GPR107: variants seen among roughly 807,000 people sequenced by gnomAD.
GPR107 encodes protein GPR107.
A neutral mutation model predicts 75.5 loss-of-function variants in GPR107; 31 were observed. The observed-to-expected ratio is 0.41, with a 90% CI of 0.31 to 0.55. GPR107 has a LOEUF of 0.55. Among genes scored for constraint, GPR107 ranks in the 20% least tolerant of loss-of-function variants. The pLI, the probability that GPR107 is intolerant of heterozygous loss-of-function variation, is 0.26. For missense variants in GPR107, 572 were observed against 665.7 expected (o/e 0.86, Z 1.55); for synonymous variants, 267 against 251.3 (o/e 1.06, Z -0.59).
intron 9 of GPR107, among the ~76,000 whole-genome samples, chr9:130,093,381 A>G (rs1188017741): frequency 1.3e-5 from 2 of 152,212 alleles, no homozygotes; most frequent in East Asian, 3.8e-4. Flanking sequence ...TGAGTAAATG[A>G]TAGTATGCGA....
At chr9:130,134,965 G>T in intron 17 of GPR107, 60 bp from the exon 18 acceptor site, 1 of 926,074 alleles carries the variant, frequency 1.1e-6, no homozygotes, top group South Asian at 1.4e-5. Context: ...CTGTGGCAGA[G>T]ATGGCCTTTT....
intron 7 of GPR107, among the ~76,000 whole-genome samples, chr9:130,087,860 A>T (rs1238949158): frequency 6.6e-6 from 1 of 150,636 alleles, no homozygotes; most frequent in African/African-American, 2.4e-5. Flanking sequence ...TGTCTTAAGT[A>T]TACGGTTTGT....
rs1398675497 is a variant in GPR107 at position 130,139,009 on chromosome 9, C to G, written c.*3888C>G. 6.6e-6 allele frequency: 1 copy of G among 152,284 alleles called. No homozygotes were observed. The highest frequency in any genetic ancestry group is 1.5e-5 in the Non-Finnish European group (1 of 68,110). 9.4% of individuals were successfully genotyped at this position (152,284 alleles called of 1,614,324 possible). A position where few individuals can be genotyped will look rare whatever the true frequency, so the allele number is the denominator to read the frequency against. On this transcript the variant is annotated 3_prime_UTR_variant, in exon 18 of 18. Transcript: ENST00000347136. Reference sequence around the variant, plus strand: ...TGGAACAACTCATGCTTCATGCTGCCAAGCTGCTGTACTTCAAAGGAAACA... The same window carrying G: ...TGGAACAACTCATGCTTCATGCTGCGAAGCTGCTGTACTTCAAAGGAAACA...
chr9:130,085,707 C>T (rs1210805634), intron 6 of GPR107, among the ~76,000 whole-genome samples: 1 of 138,396 alleles, frequency 7.2e-6, no homozygotes, highest in Non-Finnish European at 1.5e-5. Context: ...TTGCATGTAT[C>T]ATTTCTTTTC....
At chr9:130,095,624 A>C (rs1227649221) in intron 9 of GPR107, among the ~76,000 whole-genome samples, 1 of 151,914 alleles carries the variant, frequency 6.6e-6, no homozygotes, top group East Asian at 1.9e-4. Context: ...TGATCTCTTT[A>C]CTTCGTGATC....
At position 130,135,023 on chromosome 9, in the gene GPR107, A is replaced by T. The variant is rs1554899712; in HGVS notation, c.1563-2A>T. 6.4e-7 allele frequency: 1 copy of T among 1,560,138 alleles called. No individual in the cohort carries two copies. Among genetic ancestry groups the T allele is most frequent in the Non-Finnish European group, 8.8e-7 (1 of 1,131,778 alleles). Reference sequence around the variant, plus strand: ...CTAATTGTTTTTTCTTTCCTTGTTCAGTGTGACAACATCTGGGGTGATGGA... The same window carrying T: ...CTAATTGTTTTTTCTTTCCTTGTTCTGTGTGACAACATCTGGGGTGATGGA... On this transcript the variant is annotated splice_acceptor_variant, in intron 17 of 17. Coordinates refer to ENST00000347136, the MANE Select transcript of GPR107 (RefSeq NM_020960.5). LOFTEE classifies it high-confidence loss of function.
intron 1 of GPR107, among the ~76,000 whole-genome samples, chr9:130,057,126 TGATCAGATTA>T (rs1471001765): frequency 6.6e-6 from 1 of 151,728 alleles, no homozygotes; most frequent in Non-Finnish European, 1.5e-5. Context: ...ATAGGGTACT[TGATCAGATTA>T]GAGACCCATA....
At position 130,092,296 on chromosome 9, in the gene GPR107, A is replaced by G; in HGVS notation, c.778A>G (p.Ile260Val). 1 of 1,600,904 alleles carries G rather than the reference A, an allele frequency of 6.2e-7. No individual in the cohort carries two copies. Among genetic ancestry groups the G allele is most frequent in the East Asian group, 2.2e-5 (1 of 44,816 alleles). Residue 260 changes from isoleucine (I) to valine (V), a missense_variant, in exon 9 of 18, where the codon ATT (isoleucine) becomes GTT (valine). Transcript: ENST00000347136. ...TGACAGCTACCTCTCAGCAGGAGAA[A>G]TTCCTCTCCCCAAATTATACATCTC... ...NPDSYLSAGE[I>V]PLPKLYISMA... is the part of the protein sequence containing the mutation.
intron 1 of GPR107, among the ~76,000 whole-genome samples, 168 bp downstream of exon 1, chr9:130,054,241 C>T (rs1829671036): frequency 6.6e-6 from 1 of 152,142 alleles, no homozygotes; most frequent in Non-Finnish European, 1.5e-5. Flanking sequence ...CGGGTCTGGG[C>T]GGCGCTGGGG....
At chr9:130,075,291 C>T (rs1256370549) in intron 1 of GPR107, among the ~76,000 whole-genome samples, 1 of 131,190 alleles carries the variant, frequency 7.6e-6, no homozygotes, top group Non-Finnish European at 1.5e-5. Context: ...GTCACCCAAG[C>T]TAGAGTGCAG....
At chr9:130,133,655 C>T (rs556102362) in intron 17 of GPR107, among the ~76,000 whole-genome samples, 6 of 152,298 alleles carry the variant, frequency 3.9e-5, no homozygotes, top group Non-Finnish European at 8.8e-5. Context: ...GCCAGCTGGC[C>T]AGAAGTGACG....
Position 130,103,339 on chromosome 9 carries a change from G to A in GPR107, c.1132-1081G>A, listed in dbSNP as rs956738124. Among the ~76,000 whole-genome samples, 1 of 152,160 alleles carries A rather than the reference G, an allele frequency of 6.6e-6. No homozygotes were observed. The highest frequency in any genetic ancestry group is 1.5e-5 in the Non-Finnish European group (1 of 68,030). On this transcript the variant is annotated intron_variant, in intron 12 of 17. Coordinates refer to ENST00000347136, the MANE Select transcript of GPR107 (RefSeq NM_020960.5). The surrounding 1 kb of genome is among the most constrained non-coding windows in gnomAD (Gnocchi z 4.3). ...ACAGATTTTACATGCAAAGTGTGGA[G>A]GATTACCTTTTACAGCAAGTCAGGC...
At chr9:130,115,053 C>T (rs1386690116) in intron 14 of GPR107, among the ~76,000 whole-genome samples, 1 of 152,214 alleles carries the variant, frequency 6.6e-6, no homozygotes, top group East Asian at 1.9e-4. Context: ...GAAATAATCA[C>T]TGAGTGCATC....
In GPR107 at chr9:130,077,863, C is replaced by T. The variant is rs1830392445; in HGVS notation, c.386+485C>T. ...TTGTTGGTGAGGATTTCTGACAATT[C>T]AGCCTCTTTGAAAATGTTGAGGCCG... On this transcript the variant is annotated intron_variant, in intron 4 of 17. Coordinates refer to ENST00000347136, the MANE Select transcript of GPR107 (RefSeq NM_020960.5). 2.0e-5 allele frequency among the ~76,000 whole-genome samples: 3 copies of T among 152,060 alleles called. 1 individual carries two copies. The South Asian group carries it at 6.2e-4, about 32-fold the overall frequency.
intron 3 of GPR107, among the ~76,000 whole-genome samples, chr9:130,077,092 T>C (rs1159947656): frequency 2.6e-5 from 4 of 151,744 alleles, no homozygotes; most frequent in Non-Finnish European, 5.9e-5. Flanking sequence ...TTCACCATGT[T>C]GGCCAGGATG....
chr9:130,092,833 A>G (rs546558379), intron 9 of GPR107, among the ~76,000 whole-genome samples: 4 of 152,056 alleles, frequency 2.6e-5, no homozygotes, highest in Admixed American at 2.6e-4. Context: ...GTTAGCCAGG[A>G]TGGTCTTGAT....
chr9:130,118,873 G>T (rs963144806), intron 14 of GPR107, among the ~76,000 whole-genome samples: 1 of 152,196 alleles, frequency 6.6e-6, no homozygotes, highest in Non-Finnish European at 1.5e-5. Flanking sequence ...AGCAGGCCAA[G>T]GGCAGGCACA....
In GPR107 at chr9:130,090,888, A is replaced by G. The variant is rs543079941; in HGVS notation, c.634A>G (p.Ile212Val). ...GAVSFQFFFN[I>V]STDDQEGLYS... ...TCTTCACTTTCAGTTTTTCTTTAACATCAGCACTGATGACCAAGAAGGCCT... is the reference window on the plus strand; with the variant it reads ...TCTTCACTTTCAGTTTTTCTTTAACGTCAGCACTGATGACCAAGAAGGCCT... The change falls in exon 8 of 18, where the codon ATC (isoleucine) becomes GTC (valine). Residue 212 changes from isoleucine to valine, a missense_variant. By Grantham distance (29) the Ile-to-Val change is conservative. Transcript: ENST00000347136. The G allele has an allele frequency of 2.8e-5, 38 of 1,368,554 alleles. No homozygotes were observed. Among genetic ancestry groups the G allele is most frequent in the Non-Finnish European group, 7.3e-6 (7 of 958,740 alleles). 84.8% of individuals were successfully genotyped at this position (1,368,554 alleles called of 1,614,324 possible).
intron 17 of GPR107, chr9:130,132,879 C>T (rs1831862759): frequency 6.6e-6 from 1 of 151,902 alleles, no homozygotes; most frequent in South Asian, 2.1e-4. Flanking sequence ...ACTTAGCACT[C>T]CCTCACTGCC....
Sources: gnomAD v4.1 joint callset for allele counts (sites outside exome capture counted in the v4.1 genomes callset) on GRCh38, gnomAD v4.1.1 for gene constraint, Gnocchi (gnomAD v3.1) non-coding constraint, MANE v1.5 for transcripts, NCBI Gene and HGNC (gene_info 2026-07-23, HGNC 2026-07-21) for gene names.